USH2A: variants seen among roughly 807,000 people sequenced by gnomAD.
USH2A encodes Usher syndrome 2A (autosomal recessive, mild).
In USH2A, 443 loss-of-function variants were observed where a neutral mutation model predicts 538.9. The observed-to-expected ratio is 0.82, with a 90% CI of 0.76 to 0.89. The LOEUF (loss-of-function observed/expected upper bound fraction) is 0.89. Ranked by LOEUF, USH2A falls within the 40% of genes least tolerant of loss-of-function variation. The pLI is 0.00. For missense variants in USH2A, 6,633 were observed against 6,324.8 expected, an observed-to-expected ratio of 1.05 and a Z score of -1.65; for synonymous variants, 2,413 against 2,273.5, an observed-to-expected ratio of 1.06 and a Z score of -1.75.
At chr1:215,905,248 T>G (rs1433904855) in intron 38 of USH2A, among the ~76,000 whole-genome samples, 1 of 152,098 alleles carries the variant, frequency 6.6e-6, no homozygotes, top group East Asian at 1.9e-4. Flanking sequence ...GCTTTCCATA[T>G]GCACTGAATT....
rs1401217747 is a variant in USH2A, at chr1:216,316,285, T to C, written c.1644+5598A>G. 2.0e-5 allele frequency among the ~76,000 whole-genome samples: 3 copies of C among 152,138 alleles called. No homozygotes were observed. In the East Asian group the frequency reaches 5.8e-4, roughly 29 times the overall value. Reference sequence around the variant, plus strand: ...TTCTTGAGTTGTTTTCGGTTATTTGTGAGTTTTTATTTTTATAAAGGGGTA... The same window carrying C: ...TTCTTGAGTTGTTTTCGGTTATTTGCGAGTTTTTATTTTTATAAAGGGGTA... On this transcript the variant is annotated intron_variant, in intron 9 of 71. Transcript: ENST00000307340.
intron 32 of USH2A, among the ~76,000 whole-genome samples, chr1:216,033,624 G>A (rs1669177765): frequency 6.6e-6 from 1 of 152,184 alleles, no homozygotes; most frequent in Non-Finnish European, 1.5e-5. Context: ...GACTGGATGT[G>A]CAGATCTCTT....
intron 61 of USH2A, among the ~76,000 whole-genome samples, chr1:215,694,764 T>A (rs188841015): frequency 6.6e-6 from 1 of 152,326 alleles, no homozygotes; most frequent in Admixed American, 6.5e-5. Context: ...ACATTGAGGG[T>A]TAGGATTTCA....
intron 3 of USH2A, among the ~76,000 whole-genome samples, chr1:216,407,751 CA>C (rs891312299): frequency 6.6e-6 from 1 of 151,704 alleles, no homozygotes; most frequent in African/African-American, 2.4e-5. Context: ...TGACTATCCA[CA>C]AAAAAAGCAA....
chr1:215,990,228 T>C lies in USH2A; in HGVS notation c.6805+2792A>G, dbSNP rs145816758. 1.0e-3 allele frequency among the ~76,000 whole-genome samples: 154 copies of C among 152,308 alleles called. 1 individual carries two copies. The highest frequency in any genetic ancestry group is 3.5e-3 in the African/African-American group (147 of 41,570). On this transcript the variant is annotated intron_variant, in intron 35 of 71. Coordinates refer to ENST00000307340, the MANE Select transcript of USH2A (RefSeq NM_206933.4). ...AAAAATTCTTTGGTCAAATGCAAGA[T>C]CGGTATTCTCAAAAGAGAAACCCAG...
intron 20 of USH2A, among the ~76,000 whole-genome samples, chr1:216,185,549 C>T (rs34349536): frequency 6.6e-6 from 1 of 151,752 alleles, no homozygotes; most frequent in East Asian, 1.9e-4. Context: ...CCATTGATGT[C>T]TGATAATGAG....
intron 3 of USH2A, among the ~76,000 whole-genome samples, chr1:216,417,657 G>A (rs2039599776): frequency 6.6e-6 from 1 of 152,036 alleles, no homozygotes; most frequent in Non-Finnish European, 1.5e-5. Context: ...TGAAGTGCTT[G>A]CTCAGCCTTT....
chr1:216,107,685 TC>T (rs1411282614), intron 21 of USH2A, among the ~76,000 whole-genome samples: 2 of 120,030 alleles, frequency 1.7e-5, no homozygotes, highest in African/African-American at 5.5e-5. Context: ...ACTTTCTTCT[TC>T]TTTTTTTTTT....
At chr1:215,748,112 G>C (rs137876908) in intron 58 of USH2A, among the ~76,000 whole-genome samples, 7,550 of 151,976 alleles carry the variant, frequency 0.05, 216 homozygotes, top group African/African-American at 0.074. Context: ...AGGATGGTCT[G>C]GATCTCCTGA....
chr1:215,665,471 G>C (rs564647650), intron 64 of USH2A, among the ~76,000 whole-genome samples: 4 of 152,280 alleles, frequency 2.6e-5, no homozygotes, highest in African/African-American at 9.6e-5. Flanking sequence ...CAGTGAAAGG[G>C]GGGGTGGTGG....
chr1:216,241,154 T>C lies in USH2A; in HGVS notation c.2809+5431A>G, dbSNP rs2035928823. The stretch of plus-strand genomic sequence containing the variant: ...TGATTTAACCAAATAAAGGGATTGC[T>C]AAGCAGGAGGTGAAAGGAGCTAAAC... On this transcript the variant is annotated intron_variant, in intron 13 of 71. Coordinates refer to ENST00000307340, the MANE Select transcript of USH2A (RefSeq NM_206933.4). 2.6e-5 allele frequency among the ~76,000 whole-genome samples: 4 copies of C among 152,188 alleles called. No individual in the cohort carries two copies. In the South Asian group the frequency reaches 8.3e-4, roughly 31 times the overall value.
Position 216,410,297 on chromosome 1 carries a change from C to T in USH2A, c.651+8217G>A, listed in dbSNP as rs150458070. 6.6e-3 allele frequency among the ~76,000 whole-genome samples: 1,007 copies of T among 152,126 alleles called. 10 individuals carry two copies. The highest frequency in any genetic ancestry group is 0.019 in the African/African-American group (778 of 41,512). ...ATTACAGAAAACAGTGTGACAATTCCTCAAAGACCAAAAAAAACAGAACTA... is the reference window on the plus strand; with the variant it reads ...ATTACAGAAAACAGTGTGACAATTCTTCAAAGACCAAAAAAAACAGAACTA... On this transcript the variant is annotated intron_variant, in intron 3 of 71. Coordinates refer to ENST00000307340, the MANE Select transcript of USH2A (RefSeq NM_206933.4).
chr1:216,197,994 G>A (rs1345033788), intron 18 of USH2A, among the ~76,000 whole-genome samples: 1 of 152,106 alleles, frequency 6.6e-6, no homozygotes, highest in African/African-American at 2.4e-5. Flanking sequence ...GATGAGACAT[G>A]TGTCCAATCC....
At chr1:216,152,956 C>T (rs1193991966) in intron 21 of USH2A, among the ~76,000 whole-genome samples, 1 of 152,152 alleles carries the variant, frequency 6.6e-6, no homozygotes, top group African/African-American at 2.4e-5. Flanking sequence ...AGCAGTGCCA[C>T]ATAGAAGAAG....
chr1:215,928,202 A>C (rs1483937539), intron 38 of USH2A, among the ~76,000 whole-genome samples: 1 of 152,062 alleles, frequency 6.6e-6, no homozygotes, highest in Non-Finnish European at 1.5e-5. Context: ...TTTTTAAATC[A>C]CCTACTTATA....
chr1:215,889,057 G>A lies in USH2A; in HGVS notation c.7595-3C>T. ...CGGAGGAACTACAGGTCCAGGTTCT[G>A]TAAAGTAAAATAAATCCAGAAAGTC... On this transcript the variant is annotated splice_polypyrimidine_tract_variant and splice_region_variant and intron_variant, in intron 40 of 71. Coordinates refer to ENST00000307340, the MANE Select transcript of USH2A (RefSeq NM_206933.4). 6.2e-7 allele frequency: 1 copy of A among 1,613,264 alleles called. No individual in the cohort carries two copies. Among genetic ancestry groups the A allele is most frequent in the Non-Finnish European group, 8.5e-7 (1 of 1,180,008 alleles).
At position 215,877,017 on chromosome 1, in the gene USH2A, C is replaced by T. The variant is rs116457433; in HGVS notation, c.8681+741G>A. ...TGATCGAGGAGTTTTCATAAAATAA[C>T]GTTCATGTTTTCTGAAATTTAATCA... On this transcript the variant is annotated intron_variant, in intron 43 of 71. Transcript: ENST00000307340. 7.2e-3 allele frequency among the ~76,000 whole-genome samples: 1,103 copies of T among 152,188 alleles called. 11 individuals are homozygous for T. The highest frequency in any genetic ancestry group is 0.025 in the African/African-American group (1,024 of 41,512).
chr1:215,647,701 G>T lies in USH2A; in HGVS notation c.14612C>A (p.Pro4871His). ...SYELQFHVAC[P>H]PDSALPCTPS... Reference sequence around the variant, plus strand: ...AGTACAGGGGAGGGCTGAGTCAGGAGGGCAAGCCACGTGGAATTGGAGTTC... The same window carrying T: ...AGTACAGGGGAGGGCTGAGTCAGGATGGCAAGCCACGTGGAATTGGAGTTC... Residue 4871 changes from proline (P) to histidine (H), a missense_variant, in exon 67 of 72, where the codon CCT becomes CAT. Pro to His is a moderately conservative substitution (Grantham distance 77). Transcript: ENST00000307340. The T allele has an allele frequency of 6.2e-7, 1 of 1,614,180 alleles. No individual in the cohort carries two copies. Among genetic ancestry groups the T allele is most frequent in the East Asian group, 2.2e-5 (1 of 44,890 alleles).
At chr1:215,773,362 T>C (rs903536044) in intron 55 of USH2A, among the ~76,000 whole-genome samples, 2 of 152,084 alleles carry the variant, frequency 1.3e-5, no homozygotes, top group Non-Finnish European at 2.9e-5. Flanking sequence ...CCTCCCACTA[T>C]GTAAATGTCA....
Sources: gnomAD v4.1 joint callset for allele counts (sites outside exome capture counted in the v4.1 genomes callset) on GRCh38, gnomAD v4.1.1 for gene constraint, MANE v1.5 for transcripts, NCBI Gene and HGNC (gene_info 2026-07-23, HGNC 2026-07-21) for gene names.